POLGARF: variants seen among roughly 807,000 people sequenced by gnomAD.
The protein encoded by POLGARF is POLG alternative reading frame.
At chr15:89,332,843 T>A in the POLGARF span, among the ~76,000 whole-genome samples, 2 of 152,180 alleles carry the variant, frequency 1.3e-5, no homozygotes, top group Admixed American at 6.5e-5. Flanking sequence ...GAAGGTCTCA[T>A]GTACAGCGCT....
chr15:89,331,171 G>T, the POLGARF span, among the ~76,000 whole-genome samples: 5,166 of 152,200 alleles, frequency 0.034, 275 homozygotes, highest in African/African-American at 0.11. Context: ...TGCCTCAACA[G>T]ATTCAACACA....
the POLGARF span, chr15:89,333,662 G>C: frequency 1.3e-6 from 2 of 1,566,148 alleles, no homozygotes; most frequent in Non-Finnish European, 1.7e-6. Context: ...GGTCGGACGC[G>C]GGGACGGAGC....
At chr15:89,333,611 C>G in the POLGARF span, 11 of 1,599,004 alleles carry the variant, frequency 6.9e-6, no homozygotes, top group Non-Finnish European at 9.4e-6. Flanking sequence ...GCTGCTGCTG[C>G]TGCTGCTGCT....
chr15:89,330,838 G>C, the POLGARF span, among the ~76,000 whole-genome samples: 1 of 146,828 alleles, frequency 6.8e-6, no homozygotes, highest in South Asian at 2.3e-4. Context: ...CCTTGGAGAA[G>C]CAACCACCCT....
At chr15:89,332,381 T>C in the POLGARF span, 3 of 151,896 alleles carry the variant, frequency 2.0e-5, no homozygotes, top group Non-Finnish European at 4.4e-5. Context: ...AATCCTGGAA[T>C]GAAGAATAAA....
the POLGARF span, chr15:89,332,995 A>T: frequency 6.9e-7 from 1 of 1,453,112 alleles, no homozygotes; most frequent in Non-Finnish European, 9.1e-7. Flanking sequence ...TCCCTACGTG[A>T]GCACCCAGCC....
At chr15:89,332,703 T>G in the POLGARF span, among the ~76,000 whole-genome samples, 1 of 152,124 alleles carries the variant, frequency 6.6e-6, no homozygotes, top group East Asian at 1.9e-4. Context: ...GGGAGCTTTC[T>G]ACCGCCCAAA....
the POLGARF span, among the ~76,000 whole-genome samples, chr15:89,331,754 T>C: frequency 6.6e-6 from 1 of 152,054 alleles, no homozygotes; most frequent in Non-Finnish European, 1.5e-5. Flanking sequence ...GGACCGCTAT[T>C]AGGGCACCAT....
the POLGARF span, chr15:89,333,224 C>T: frequency 6.3e-7 from 1 of 1,579,026 alleles, no homozygotes; most frequent in Non-Finnish European, 8.6e-7. Flanking sequence ...CGGGGCCGTA[C>T]CGGGTCCAGC....
At chr15:89,333,374 C>A in the POLGARF span, 11 of 1,579,008 alleles carry the variant, frequency 7.0e-6, no homozygotes, top group Non-Finnish European at 8.6e-6. Flanking sequence ...AGAGGGGCGG[C>A]AGGCGCAGCT....
chr15:89,333,753 A>C, the POLGARF span: 1 of 1,535,114 alleles, frequency 6.5e-7, no homozygotes, highest in East Asian at 2.4e-5. Context: ...CAGGCGGCTC[A>C]TGGTTGGTGC....
the POLGARF span, chr15:89,333,625 G>A: frequency 6.3e-7 from 1 of 1,592,294 alleles, no homozygotes; most frequent in Non-Finnish European, 8.5e-7. Context: ...TGCTGCTGCT[G>A]CTGCCGCCGC....
At chr15:89,332,053 T>G in the POLGARF span, among the ~76,000 whole-genome samples, 1 of 152,222 alleles carries the variant, frequency 6.6e-6, no homozygotes, top group Non-Finnish European at 1.5e-5. Context: ...TTCCTAATTT[T>G]CTTTCAGCCA....
chr15:89,332,324 T>A, the POLGARF span: 2 of 152,206 alleles, frequency 1.3e-5, no homozygotes, highest in African/African-American at 4.8e-5. Context: ...ACTGCCAACT[T>A]TTTTGCTGGC....
chr15:89,333,626 C>T, the POLGARF span: 47 of 1,597,436 alleles, frequency 2.9e-5, no homozygotes, highest in South Asian at 5.0e-4. Flanking sequence ...GCTGCTGCTG[C>T]TGCCGCCGCC....
chr15:89,333,129 G>A, the POLGARF span: 1 of 1,525,680 alleles, frequency 6.6e-7, no homozygotes, highest in Non-Finnish European at 8.8e-7. Context: ...CGCCAATGTG[G>A]GGCAAGTTCC....
the POLGARF span, chr15:89,333,327 G>T: frequency 6.4e-7 from 1 of 1,559,112 alleles, no homozygotes. Context: ...CTGCTTCTGG[G>T]CCAGGAGGCG....
At chr15:89,332,249 C>G in the POLGARF span, 1 of 152,190 alleles carries the variant, frequency 6.6e-6, no homozygotes, top group Non-Finnish European at 1.5e-5. Flanking sequence ...TCACCATTTT[C>G]AACTGCATAT....
At chr15:89,332,430 A>G in the POLGARF span, 3 of 152,244 alleles carry the variant, frequency 2.0e-5, no homozygotes, top group Admixed American at 1.3e-4. Flanking sequence ...TGTTTGAAAA[A>G]GAAACTTGGG....
Sources: allele counts gnomAD v4.1 joint callset (sites outside exome capture counted in the v4.1 genomes callset), GRCh38; gene constraint gnomAD v4.1.1; transcripts MANE v1.5; gene names NCBI Gene and HGNC (gene_info 2026-07-23, HGNC 2026-07-21).